The following PELI2 variants were observed in gnomAD, a reference collection of about 807,000 sequenced individuals.
The protein encoded by PELI2 is pellino E3 ubiquitin protein ligase family member 2, also known as E3 ubiquitin-protein ligase pellino homolog 2.
Under a neutral mutation model 42.3 loss-of-function variants are expected in PELI2, and 23 were observed. The ratio of observed to expected loss-of-function variants is 0.54; its 90% confidence interval spans 0.39 to 0.77. PELI2 has a LOEUF of 0.77. Among genes scored for constraint, PELI2 ranks in the 30% least tolerant of loss-of-function variants. PELI2 has a pLI of 0.00. For synonymous variants in PELI2, 245 were observed against 212.2 expected, an observed-to-expected ratio of 1.15 and a Z score of -1.34; for missense variants, 463 against 553.2, an observed-to-expected ratio of 0.84 and a Z score of 1.64.
chr14:56,298,833 T>G lies in PELI2; in HGVS notation c.*1667T>G, dbSNP rs1247620731. On this transcript the variant is annotated 3_prime_UTR_variant, in exon 6 of 6. Coordinates refer to ENST00000267460, the MANE Select transcript of PELI2 (RefSeq NM_021255.3). ...AGATCATTGTTTAGGATGAGACATT[T>G]TTGGTTTTGGTTTTGTTTGGGTAAA... 1 of 152,390 alleles carries G rather than the reference T, an allele frequency of 6.6e-6. No individual in the cohort carries two copies. The highest frequency in any genetic ancestry group is 1.9e-4 in the East Asian group (1 of 5,194). The allele number at this position is 152,390 out of a possible 1,614,324, so 9.4% of individuals were successfully genotyped here. A position where few individuals can be genotyped will look rare whatever the true frequency, so the allele number is the denominator to read the frequency against.
chr14:56,133,339 C>A (rs147580845), intron 1 of PELI2, among the ~76,000 whole-genome samples: 2 of 152,068 alleles, frequency 1.3e-5, no homozygotes, highest in Non-Finnish European at 2.9e-5. Context: ...GTTGAGGGGG[C>A]AGCATCAGGA....
intron 2 of PELI2, among the ~76,000 whole-genome samples, chr14:56,276,118 A>G (rs1227347324): frequency 2.0e-5 from 3 of 152,216 alleles, no homozygotes; most frequent in Non-Finnish European, 4.4e-5. Flanking sequence ...TGATACTTCT[A>G]ACAAAAAGTT....
intron 2 of PELI2, among the ~76,000 whole-genome samples, chr14:56,210,896 G>A (rs1886689991): frequency 6.6e-6 from 1 of 152,168 alleles, no homozygotes; most frequent in African/African-American, 2.4e-5. Flanking sequence ...AATGAAAAGA[G>A]AATCCTCTTT....
intron 2 of PELI2, among the ~76,000 whole-genome samples, chr14:56,200,419 C>A (rs1237473396): frequency 6.6e-6 from 1 of 152,196 alleles, no homozygotes; most frequent in Non-Finnish European, 1.5e-5. Flanking sequence ...CAGGGTCACA[C>A]AGCCGGTGAG....
intron 2 of PELI2, among the ~76,000 whole-genome samples, chr14:56,240,966 A>C (rs550631334): frequency 5.1e-4 from 78 of 152,328 alleles, no homozygotes; most frequent in African/African-American, 1.4e-3. Flanking sequence ...TCCTTAAAAT[A>C]ACGAGAAAGC....
chr14:56,250,654 C>A (rs181370144), intron 2 of PELI2, among the ~76,000 whole-genome samples: 225 of 152,254 alleles, frequency 1.5e-3, no homozygotes, highest in African/African-American at 5.2e-3. Context: ...GAAGACTCAG[C>A]AAGTCTCCTC....
At chr14:56,283,956 A>G (rs1192783104) in intron 3 of PELI2, among the ~76,000 whole-genome samples, 1 of 152,190 alleles carries the variant, frequency 6.6e-6, no homozygotes, top group African/African-American at 2.4e-5. Flanking sequence ...AAAGCCTACT[A>G]CTGACAAAAA....
intron 2 of PELI2, among the ~76,000 whole-genome samples, chr14:56,215,583 G>A (rs892284631): frequency 6.6e-6 from 1 of 152,152 alleles, no homozygotes; most frequent in Non-Finnish European, 1.5e-5. Context: ...ATCAATTGTT[G>A]GAAATTCATA....
chr14:56,140,939 TA>T (rs1227507859), intron 1 of PELI2, among the ~76,000 whole-genome samples: 1 of 152,178 alleles, frequency 6.6e-6, no homozygotes, highest in Non-Finnish European at 1.5e-5. Context: ...GTTGCTGACA[TA>T]GCAGCTGAAC....
chr14:56,237,403 C>T (rs536473544), intron 2 of PELI2, among the ~76,000 whole-genome samples: 14 of 152,318 alleles, frequency 9.2e-5, no homozygotes, highest in Middle Eastern at 3.4e-3. Flanking sequence ...ACTTGTTCAG[C>T]ATCCCATTCT....
intron 3 of PELI2, among the ~76,000 whole-genome samples, chr14:56,285,551 G>T (rs910842191): frequency 6.6e-6 from 1 of 152,088 alleles, no homozygotes; most frequent in Admixed American, 6.6e-5. Context: ...GAAAAGGGAA[G>T]GGGGGACTAT....
intron 2 of PELI2, among the ~76,000 whole-genome samples, chr14:56,213,554 A>G (rs1399134076): frequency 6.6e-6 from 1 of 152,240 alleles, no homozygotes; most frequent in East Asian, 1.9e-4. Context: ...CTGAAGCAGC[A>G]TGTGGACTGT....
chr14:56,250,809 G>A (rs892254644), intron 2 of PELI2, among the ~76,000 whole-genome samples: 6 of 152,080 alleles, frequency 3.9e-5, no homozygotes, highest in Non-Finnish European at 5.9e-5. Flanking sequence ...GGCACCCACC[G>A]AACAATACTT....
intron 2 of PELI2, among the ~76,000 whole-genome samples, chr14:56,230,154 G>A (rs905280798): frequency 6.6e-6 from 1 of 152,144 alleles, no homozygotes; most frequent in African/African-American, 2.4e-5. Flanking sequence ...GGGGAGAATG[G>A]AACCAAGTTG....
At chr14:56,127,248 A>T (rs1185185106) in intron 1 of PELI2, among the ~76,000 whole-genome samples, 1 of 152,224 alleles carries the variant, frequency 6.6e-6, no homozygotes, top group East Asian at 1.9e-4. Context: ...TTCACCCAGG[A>T]GAGCTAATGC....
chr14:56,295,721 C>T (rs988671391), intron 5 of PELI2, among the ~76,000 whole-genome samples: 2 of 152,150 alleles, frequency 1.3e-5, no homozygotes, highest in Non-Finnish European at 2.9e-5. Flanking sequence ...ATCTGCACAG[C>T]GTCATACAGC....
intron 1 of PELI2, among the ~76,000 whole-genome samples, chr14:56,123,152 T>C (rs2139573923): frequency 6.6e-6 from 1 of 151,976 alleles, no homozygotes; most frequent in East Asian, 1.9e-4. Context: ...CAAAGAGGGG[T>C]ATAGTAGCTT....
chr14:56,186,671 T>C (rs1217288154), intron 2 of PELI2, among the ~76,000 whole-genome samples: 1 of 152,144 alleles, frequency 6.6e-6, no homozygotes, highest in Non-Finnish European at 1.5e-5. Context: ...TAAAATTCTT[T>C]TGGATGGAGC....
intron 2 of PELI2, among the ~76,000 whole-genome samples, chr14:56,201,323 A>AT (rs1450233113): frequency 2.6e-5 from 4 of 152,204 alleles, no homozygotes; most frequent in Non-Finnish European, 4.4e-5. Context: ...CCAGTGACAG[A>AT]TTTTTTCACT....
Sources: allele counts gnomAD v4.1 joint callset (sites outside exome capture counted in the v4.1 genomes callset), GRCh38; gene constraint gnomAD v4.1.1; transcripts MANE v1.5; gene names NCBI Gene and HGNC (gene_info 2026-07-23, HGNC 2026-07-21).